MED14: variants seen among roughly 807,000 people sequenced by gnomAD.
MED14 encodes the protein mediator of RNA polymerase II transcription subunit 14.
A neutral mutation model predicts 109.0 loss-of-function variants in MED14; 8 were observed. The ratio of observed to expected loss-of-function variants is 0.07; its 90% confidence interval spans 0.04 to 0.13. The LOEUF (loss-of-function observed/expected upper bound fraction) is 0.13. MED14 is among the 10% of genes least tolerant of loss of function. The pLI is 1.00. For missense variants in MED14, 711 were observed against 1,142.4 expected (o/e 0.62, Z 5.44); for synonymous variants, 399 against 408.7 (o/e 0.98, Z 0.29).
rs1463886875 is a variant in MED14, at chrX:40,692,791, G to A, written c.1762C>T (p.Leu588=). The A allele has an allele frequency of 8.3e-7, 1 of 1,207,780 alleles. No homozygotes were observed. Among genetic ancestry groups the A allele is most frequent in the African/African-American group, 1.8e-5 (1 of 57,124 alleles). The stretch of plus-strand genomic sequence containing the variant: ...TGAATGTTTTCCTTGAACTGCTGCA[G>A]CAGCAATGCCATTGCAGGGCTGTCT... ...REDSPAMALL[L]QQFKENIQDL... is the part of the protein sequence containing the mutation. Residue 588 remains leucine, a synonymous_variant, in exon 14 of 31, where the codon CTG becomes TTG. Coordinates refer to ENST00000324817, the MANE Select transcript of MED14 (RefSeq NM_004229.4).
Position 40,733,207 on chromosome X carries a change from G to A in MED14, c.215+1991C>T, listed in dbSNP as rs757551074. Among the ~76,000 whole-genome samples, 17 of 108,275 alleles carry A rather than the reference G, an allele frequency of 1.6e-4. No individual in the cohort carries two copies. In the East Asian group the frequency reaches 4.1e-3, roughly 26 times the overall value. The allele number at this position is 108,275 out of a possible 115,157, so 94.0% of individuals were successfully genotyped here. A position where few individuals can be genotyped will look rare whatever the true frequency, so the allele number is the denominator to read the frequency against. On this transcript the variant is annotated intron_variant, in intron 1 of 30. Coordinates refer to ENST00000324817, the MANE Select transcript of MED14 (RefSeq NM_004229.4). ...CAGCCTCAACCTCCTGGGCTCAAGC[G>A]AACCTCCTGGGCCCAAGCAATCCTC...
At chrX:40,683,492 G>A (rs1569286180) in intron 16 of MED14, among the ~76,000 whole-genome samples, 1 of 112,095 alleles carries the variant, frequency 8.9e-6, no homozygotes, top group African/African-American at 3.2e-5. Flanking sequence ...TGTCATTGAC[G>A]AAGAAAATGA....
At chrX:40,729,588 T>C (rs1932012387) in intron 1 of MED14, 1 of 368,715 alleles carries the variant, frequency 2.7e-6, no homozygotes, top group South Asian at 4.9e-5. Flanking sequence ...ATGTATTGCA[T>C]GAACCTTAAA....
intron 11 of MED14, among the ~76,000 whole-genome samples, chrX:40,703,222 G>A (rs141192229): frequency 4.5e-3 from 508 of 112,023 alleles, no homozygotes; most frequent in Non-Finnish European, 8.0e-3. Flanking sequence ...AAGGAAACAC[G>A]AATGTGCGTT....
At chrX:40,695,105 G>A (rs1316905191) in intron 13 of MED14, among the ~76,000 whole-genome samples, 1 of 111,364 alleles carries the variant, frequency 9.0e-6, no homozygotes, top group Non-Finnish European at 1.9e-5. Context: ...GAAACTGGAC[G>A]GAAAAGGCAA....
At chrX:40,722,501 G>A (rs972662379) in intron 3 of MED14, among the ~76,000 whole-genome samples, 2 of 111,647 alleles carry the variant, frequency 1.8e-5, no homozygotes, top group African/African-American at 6.5e-5. Flanking sequence ...AAATCTCAGA[G>A]TTACTGGCCT....
chrX:40,700,340 G>A (rs1930878775), intron 12 of MED14, among the ~76,000 whole-genome samples: 1 of 78,937 alleles, frequency 1.3e-5, no homozygotes, highest in Non-Finnish European at 2.3e-5. Flanking sequence ...CAGCCTTGGT[G>A]GCAACAAAGT....
chrX:40,710,815 C>T (rs1328096208), intron 8 of MED14, among the ~76,000 whole-genome samples: 2 of 111,781 alleles, frequency 1.8e-5, no homozygotes, highest in African/African-American at 6.5e-5. Flanking sequence ...TACTATGGGA[C>T]CTTACTACAC....
chrX:40,704,844 A>G (rs2077736186), intron 10 of MED14, among the ~76,000 whole-genome samples: 1 of 111,717 alleles, frequency 9.0e-6, no homozygotes, highest in Non-Finnish European at 1.9e-5. Context: ...AAATTTTTTG[A>G]GCGCTGACAT....
intron 1 of MED14, among the ~76,000 whole-genome samples, chrX:40,732,014 T>C (rs1932094240): frequency 8.9e-6 from 1 of 112,244 alleles, no homozygotes; most frequent in Non-Finnish European, 1.9e-5. Flanking sequence ...CAGGTGGCAA[T>C]AAGTGCTGTA....
At chrX:40,689,326 G>A (rs1930409586) in intron 15 of MED14, among the ~76,000 whole-genome samples, 1 of 112,036 alleles carries the variant, frequency 8.9e-6, no homozygotes, top group African/African-American at 3.2e-5. Flanking sequence ...CAAATAGGAA[G>A]TAGGGGTTCA....
intron 16 of MED14, among the ~76,000 whole-genome samples, chrX:40,683,492 GA>G (rs1304579675): frequency 2.7e-5 from 3 of 112,095 alleles, no homozygotes; most frequent in Non-Finnish European, 5.6e-5. Flanking sequence ...TGTCATTGAC[GA>G]AGAAAATGAA....
At chrX:40,668,376 C>CT (rs1929589457) in intron 23 of MED14, among the ~76,000 whole-genome samples, 1 of 58,252 alleles carries the variant, frequency 1.7e-5, no homozygotes, top group Non-Finnish European at 3.1e-5. Flanking sequence ...GAGCAAGACT[C>CT]TGTCTCCAAA....
At position 40,680,153 on chromosome X, in the gene MED14, T is replaced by C. The variant is rs773138655; in HGVS notation, c.2611-20A>G. 1 of 1,199,283 alleles carries C rather than the reference T, an allele frequency of 8.3e-7. No individual in the cohort carries two copies. The highest frequency in any genetic ancestry group is 1.1e-6 in the Non-Finnish European group (1 of 887,714). ...CAGTACCTATAAGGAACAAACACAG[T>C]GAGAGCAGCCAGTTTCTGTACAAAT... On this transcript the variant is annotated intron_variant, in intron 20 of 30. Transcript: ENST00000324817.
Position 40,650,291 on chromosome X carries a change from A to G in MED14, c.*1515T>C. ...AATAAGACAAAGAAGAAAGGCAAAGAAGGCTTCAACTCTGATTGAAAATGA... is the reference window on the plus strand; with the variant it reads ...AATAAGACAAAGAAGAAAGGCAAAGGAGGCTTCAACTCTGATTGAAAATGA... On this transcript the variant is annotated 3_prime_UTR_variant, in exon 31 of 31. Transcript: ENST00000324817. 1 of 754,267 alleles carries G rather than the reference A, an allele frequency of 1.3e-6. No individual in the cohort carries two copies. The highest frequency in any genetic ancestry group is 1.6e-6 in the Non-Finnish European group (1 of 639,010). The allele number at this position is 754,267 out of a possible 1,213,427, so 62.2% of individuals were successfully genotyped here. A position where few individuals can be genotyped will look rare whatever the true frequency, so the allele number is the denominator to read the frequency against.
Position 40,663,180 on chromosome X carries a change from GT to G in MED14, c.3449-21del, listed in dbSNP as rs1230320374. The G allele has an allele frequency of 9.0e-7, 1 of 1,110,813 alleles. No individual in the cohort carries two copies. Among genetic ancestry groups the G allele is most frequent in the Non-Finnish European group, 1.2e-6 (1 of 808,066 alleles). 91.5% of individuals were successfully genotyped at this position (1,110,813 alleles called of 1,213,427 possible). On this transcript the variant is annotated intron_variant, in intron 25 of 30. Coordinates refer to ENST00000324817, the MANE Select transcript of MED14 (RefSeq NM_004229.4). ...GAGAACCTTTTGGGAAGGAAAACAT[GT>G]TATGTCATTTACAAATACATACTAT... is the stretch of plus-strand genomic sequence containing the variant.
At chrX:40,689,213 T>C (rs1380703099) in intron 15 of MED14, among the ~76,000 whole-genome samples, 4 of 112,366 alleles carry the variant, frequency 3.6e-5, no homozygotes, top group African/African-American at 9.7e-5. Context: ...AGACTATTTA[T>C]ATCTACCATG....
At chrX:40,655,593 T>C (rs1056006544) in intron 28 of MED14, among the ~76,000 whole-genome samples, 2 of 112,423 alleles carry the variant, frequency 1.8e-5, no homozygotes, top group Non-Finnish European at 3.8e-5. Context: ...CAATCTAGAC[T>C]TCCCAGTCCT....
intron 12 of MED14, among the ~76,000 whole-genome samples, chrX:40,698,680 T>A (rs141336335): frequency 0.014 from 1,600 of 112,049 alleles, 39 homozygotes; most frequent in African/African-American, 0.049. Context: ...AACATCATTA[T>A]TTGTTGGGGA....
Sources: gnomAD v4.1 joint callset for allele counts (sites outside exome capture counted in the v4.1 genomes callset) on GRCh38, gnomAD v4.1.1 for gene constraint, MANE v1.5 for transcripts, NCBI Gene and HGNC (gene_info 2026-07-23, HGNC 2026-07-21) for gene names.